The following ANKS1B variants were observed in gnomAD, a reference collection of about 807,000 sequenced individuals.
ANKS1B encodes the protein ankyrin repeat and sterile alpha motif domain containing 1B.
Under a neutral mutation model 148.3 loss-of-function variants are expected in ANKS1B, and 36 were observed. The ratio of observed to expected loss-of-function variants is 0.24; its 90% CI spans 0.19 to 0.32. The LOEUF is 0.32. Ranked by LOEUF, ANKS1B falls within the 10% of genes least tolerant of loss-of-function variation. The pLI, the probability that ANKS1B is intolerant of heterozygous loss-of-function variation, is 1.00. For synonymous variants in ANKS1B, 542 were observed against 560.8 expected (o/e 0.97, Z 0.47); for missense variants, 1,157 against 1,542.6 (o/e 0.75, Z 4.19).
At chr12:99,593,181 T>A (rs1331503161) in intron 9 of ANKS1B, among the ~76,000 whole-genome samples, 1 of 151,998 alleles carries the variant, frequency 6.6e-6, no homozygotes, top group East Asian at 1.9e-4. Context: ...CAGAACCAGC[T>A]TTTCAGGTTA....
chr12:99,383,240 T>C (rs10777976), intron 12 of ANKS1B, among the ~76,000 whole-genome samples: 68,645 of 151,996 alleles, frequency 0.45, 17,916 homozygotes, highest in African/African-American at 0.72. Context: ...TGAGCCTCTG[T>C]GAGAATTTTG....
chr12:98,814,452 C>G (rs933374531), intron 19 of ANKS1B, among the ~76,000 whole-genome samples: 1 of 152,244 alleles, frequency 6.6e-6, no homozygotes, highest in Non-Finnish European at 1.5e-5. Context: ...ATTGGTGCCA[C>G]TTGTGCCTTT....
intron 10 of ANKS1B, among the ~76,000 whole-genome samples, chr12:99,472,142 A>C (rs1242046552): frequency 6.6e-6 from 1 of 152,152 alleles, no homozygotes; most frequent in Non-Finnish European, 1.5e-5. Context: ...GCATGAGCTG[A>C]GACAAAATGT....
intron 14 of ANKS1B, among the ~76,000 whole-genome samples, chr12:99,191,584 TA>T (rs1253814520): frequency 6.6e-6 from 1 of 151,310 alleles, no homozygotes; most frequent in Non-Finnish European, 1.5e-5. Flanking sequence ...CTCAGCAAAC[TA>T]ACACAAGAAC....
intron 17 of ANKS1B, among the ~76,000 whole-genome samples, chr12:98,837,286 G>A (rs546570024): frequency 3.3e-5 from 5 of 150,530 alleles, no homozygotes; most frequent in South Asian, 2.1e-4. Flanking sequence ...GCAGTGAGCC[G>A]AGATTACGCC....
intron 8 of ANKS1B, among the ~76,000 whole-genome samples, chr12:99,744,309 A>C (rs1445525632): frequency 2.6e-5 from 4 of 152,230 alleles, no homozygotes; most frequent in African/African-American, 9.6e-5. Flanking sequence ...ATATACACTA[A>C]ATAGTATAGA....
intron 9 of ANKS1B, among the ~76,000 whole-genome samples, chr12:99,508,590 C>G (rs1362689346): frequency 2.0e-5 from 3 of 151,644 alleles, no homozygotes; most frequent in Non-Finnish European, 4.4e-5. Context: ...TTTTCAATGA[C>G]AATTATATGT....
chr12:99,154,426 G>C, intron 14 of ANKS1B, 31 bp from the exon 15 acceptor site: 2 of 1,613,776 alleles, frequency 1.2e-6, no homozygotes. Context: ...AAGCGTTTAA[G>C]CAGGGAGTAG....
chr12:98,740,772 T>G (rs895141806), downstream of ANKS1B, among the ~76,000 whole-genome samples: 1 of 152,166 alleles, frequency 6.6e-6, no homozygotes, highest in Non-Finnish European at 1.5e-5. Flanking sequence ...TCCTCCTACA[T>G]AGGGGTGGCC....
chr12:98,803,617 T>G (rs1449603476), intron 20 of ANKS1B, among the ~76,000 whole-genome samples: 1 of 152,156 alleles, frequency 6.6e-6, no homozygotes, highest in Non-Finnish European at 1.5e-5. Flanking sequence ...GAGGTAGACC[T>G]TGGCCAAGCT....
chr12:99,282,738 C>A (rs1372998364), intron 12 of ANKS1B, among the ~76,000 whole-genome samples: 2 of 152,128 alleles, frequency 1.3e-5, no homozygotes, highest in East Asian at 3.9e-4. Context: ...ATGGAGTTTT[C>A]ATTAACTGAC....
intron 17 of ANKS1B, among the ~76,000 whole-genome samples, chr12:99,021,052 T>A (rs2153437047): frequency 6.6e-6 from 1 of 152,200 alleles, no homozygotes; most frequent in African/African-American, 2.4e-5. Flanking sequence ...CTGAATTTAA[T>A]CCTTATGACA....
intron 1 of ANKS1B, among the ~76,000 whole-genome samples, chr12:99,929,067 T>C (rs2094546692): frequency 6.6e-6 from 1 of 152,226 alleles, no homozygotes; most frequent in South Asian, 2.1e-4. Context: ...GGAAATATTA[T>C]AAGCTTCATT....
intron 1 of ANKS1B, among the ~76,000 whole-genome samples, chr12:99,903,735 G>C (rs1252976447): frequency 6.6e-6 from 1 of 150,988 alleles, no homozygotes; most frequent in Non-Finnish European, 1.5e-5. Flanking sequence ...GGGGACTCCG[G>C]AGGAAAAATG....
At chr12:99,207,647 C>G (rs2082842969) in intron 14 of ANKS1B, among the ~76,000 whole-genome samples, 1 of 151,864 alleles carries the variant, frequency 6.6e-6, no homozygotes, top group Admixed American at 6.6e-5. Context: ...GTTAAACTTA[C>G]TAAGGGTTAA....
At chr12:99,876,302 C>T (rs1168964721) in intron 1 of ANKS1B, among the ~76,000 whole-genome samples, 1 of 152,098 alleles carries the variant, frequency 6.6e-6, no homozygotes, top group Non-Finnish European at 1.5e-5. Flanking sequence ...AGAAAAATTG[C>T]ACAAAGTTGT....
At chr12:99,740,510 T>C (rs1209040638) in intron 8 of ANKS1B, among the ~76,000 whole-genome samples, 1 of 152,116 alleles carries the variant, frequency 6.6e-6, no homozygotes, top group Non-Finnish European at 1.5e-5. Flanking sequence ...TCTGCTCATA[T>C]GAAAGCATAG....
chr12:99,775,369 G>A (rs796991919), intron 7 of ANKS1B, among the ~76,000 whole-genome samples, 179 bp downstream of exon 7: 13 of 152,240 alleles, frequency 8.5e-5, no homozygotes, highest in African/African-American at 2.9e-4. Flanking sequence ...TTACAGCAGG[G>A]ATAGTTTTCT....
intron 12 of ANKS1B, among the ~76,000 whole-genome samples, chr12:99,378,670 A>AG (rs1566987892): frequency 3.4e-5 from 5 of 146,162 alleles, no homozygotes; most frequent in Admixed American, 6.8e-5. Context: ...AAAAAAAAAA[A>AG]AAAGAAAAAG....
Sources: allele counts gnomAD v4.1 joint callset (sites outside exome capture counted in the v4.1 genomes callset), GRCh38; gene constraint gnomAD v4.1.1; transcripts MANE v1.5; gene names NCBI Gene and HGNC (gene_info 2026-07-23, HGNC 2026-07-21).